The following CASZ1 variants were observed in gnomAD, a reference collection of about 807,000 sequenced individuals.
The protein encoded by CASZ1 is zinc finger protein castor homolog 1.
In CASZ1, 28 loss-of-function variants were observed where a neutral mutation model predicts 135.2. The ratio of observed to expected loss-of-function variants is 0.21; its 90% CI spans 0.15 to 0.28. The LOEUF is 0.28. CASZ1 is among the 10% of genes least tolerant of loss of function. The probability of loss-of-function intolerance (pLI) is 1.00; values close to 1 mark genes in which losing one functional copy is unlikely to be tolerated. For missense variants in CASZ1, 2,161 were observed against 2,453.3 expected (o/e 0.88, Z 2.52); for synonymous variants, 1,068 against 1,073.4 (o/e 0.99, Z 0.10).
chr1:10,773,515 G>A (rs976250457), intron 1 of CASZ1, among the ~76,000 whole-genome samples: 12 of 152,226 alleles, frequency 7.9e-5, no homozygotes, highest in Admixed American at 2.6e-4. Flanking sequence ...GGAAATGGGC[G>A]AGCGGGGGTT....
intron 4 of CASZ1, among the ~76,000 whole-genome samples, chr1:10,672,905 C>T (rs1488585686): frequency 1.3e-5 from 2 of 152,162 alleles, no homozygotes; most frequent in Admixed American, 6.5e-5. Flanking sequence ...TTTAATTTTG[C>T]GATTTGGGGC....
At chr1:10,783,464 G>A (rs1244206030) in intron 1 of CASZ1, among the ~76,000 whole-genome samples, 1 of 152,006 alleles carries the variant, frequency 6.6e-6, no homozygotes, top group African/African-American at 2.4e-5. Flanking sequence ...GGATGTGAGG[G>A]GGTGGGGGTC....
intron 1 of CASZ1, among the ~76,000 whole-genome samples, chr1:10,784,936 C>A (rs759901264): frequency 1.3e-5 from 2 of 152,198 alleles, no homozygotes; most frequent in Non-Finnish European, 2.9e-5. Context: ...AGAGGCCCCA[C>A]CTCAGTCAGC....
At chr1:10,734,815 C>A (rs1639766154) in intron 2 of CASZ1, among the ~76,000 whole-genome samples, 2 of 152,126 alleles carry the variant, frequency 1.3e-5, no homozygotes, top group Admixed American at 6.5e-5. Flanking sequence ...ACAGTCCATG[C>A]CATTAAGGAG....
rs1291754023 is a variant in CASZ1 at position 10,735,125 on chromosome 1, T to G, written c.-77+25576A>C. 6.6e-6 allele frequency among the ~76,000 whole-genome samples: 1 copy of G among 152,212 alleles called. No individual in the cohort carries two copies. Among genetic ancestry groups the G allele is most frequent in the Non-Finnish European group, 1.5e-5 (1 of 68,032 alleles). On this transcript the variant is annotated intron_variant, in intron 2 of 20. Coordinates refer to ENST00000377022, the MANE Select transcript of CASZ1 (RefSeq NM_001079843.3). The surrounding 1 kb of genome is among the most constrained non-coding windows in gnomAD (Gnocchi z 5.1). ...GCCCTTAGCAACCTAATTGCATCAG[T>G]ACATTGCACACAGGAGCCAAAGTAA...
At chr1:10,769,071 C>CGGA (rs1275076425) in intron 1 of CASZ1, among the ~76,000 whole-genome samples, 3 of 152,144 alleles carry the variant, frequency 2.0e-5, no homozygotes, top group Non-Finnish European at 4.4e-5. Context: ...ACCTGGGAGG[C>CGGA]GGAGGTTGCA....
rs528531427 is a variant in CASZ1 at position 10,646,026 on chromosome 1, G to T, written c.3696+102C>A. On this transcript the variant is annotated intron_variant, in intron 17 of 20. Transcript: ENST00000377022. The surrounding 1 kb of genome is among the most constrained non-coding windows in gnomAD (Gnocchi z 6.4). ...GCCCATTTAAATAAGCAAGGTGTGA[G>T]AAATGGAGCCTCTGCCAGGAGGTGA... The T allele has an allele frequency of 3.8e-5, 43 of 1,142,572 alleles. No individual in the cohort carries two copies. The African/African-American group carries it at 4.0e-4, about 11-fold the overall frequency. The allele number at this position is 1,142,572 out of a possible 1,614,324, so 70.8% of individuals were successfully genotyped here. A position where few individuals can be genotyped will look rare whatever the true frequency, so the allele number is the denominator to read the frequency against.
At chr1:10,748,674 G>A (rs1418808171) in intron 2 of CASZ1, among the ~76,000 whole-genome samples, 1 of 152,160 alleles carries the variant, frequency 6.6e-6, no homozygotes. Flanking sequence ...GGCAGGCCTG[G>A]TTGCCCCTTC....
At position 10,654,410 on chromosome 1, in the gene CASZ1, C is replaced by T. The variant is rs1642718118; in HGVS notation, c.1838+9G>A. On this transcript the variant is annotated intron_variant, in intron 10 of 20. Transcript: ENST00000377022. ...TGCCCACGAAGGCCCCCACCAGGCT[C>T]CCGCTTACCTGCAGTGGAAGTGCGT... 6.2e-7 allele frequency: 1 copy of T among 1,611,998 alleles called. No individual in the cohort carries two copies. Among genetic ancestry groups the T allele is most frequent in the African/African-American group, 1.3e-5 (1 of 74,860 alleles).
chr1:10,717,144 C>G lies in CASZ1; in HGVS notation c.-76-11600G>C, dbSNP rs903018064. ...GGAGGGCGTGTCTCCTTAATAAGCC[C>G]TTTCTCTGGAAGAATCAAAATCATT... On this transcript the variant is annotated intron_variant, in intron 2 of 20. Coordinates refer to ENST00000377022, the MANE Select transcript of CASZ1 (RefSeq NM_001079843.3). This position sits in a 1 kb window ranked among gnomAD's most constrained non-coding sequence, Gnocchi z 4.6. Among the ~76,000 whole-genome samples the G allele has an allele frequency of 1.3e-5, 2 of 152,208 alleles. No individual in the cohort carries two copies. Among genetic ancestry groups the G allele is most frequent in the African/African-American group, 4.8e-5 (2 of 41,446 alleles).
At chr1:10,773,512 G>T (rs1211100516) in intron 1 of CASZ1, among the ~76,000 whole-genome samples, 1 of 152,120 alleles carries the variant, frequency 6.6e-6, no homozygotes, top group Non-Finnish European at 1.5e-5. Context: ...GAAGGAAATG[G>T]GCGAGCGGGG....
chr1:10,739,354 C>T lies in CASZ1; in HGVS notation c.-77+21347G>A, dbSNP rs972428262. ...GAGTGTCACCGCGAGGGAAACCCTC[C>T]CAGGGGCCCGGGCCCAGGGTGGCCA... On this transcript the variant is annotated intron_variant, in intron 2 of 20. Transcript: ENST00000377022. This position sits in a 1 kb window ranked among gnomAD's most constrained non-coding sequence, Gnocchi z 4.8. Among the ~76,000 whole-genome samples, 1 of 152,110 alleles carries T rather than the reference C, an allele frequency of 6.6e-6. No homozygotes were observed. The highest frequency in any genetic ancestry group is 1.5e-5 in the Non-Finnish European group (1 of 68,000).
chr1:10,696,058 T>G (rs1448245139), intron 3 of CASZ1, among the ~76,000 whole-genome samples: 1 of 152,258 alleles, frequency 6.6e-6, no homozygotes. Context: ...CTGGCCTATT[T>G]TTGCAATATT....
At chr1:10,764,230 CCTT>C (rs1318464178) in intron 1 of CASZ1, among the ~76,000 whole-genome samples, 1 of 152,214 alleles carries the variant, frequency 6.6e-6, no homozygotes, top group East Asian at 1.9e-4. Flanking sequence ...CTTGGTCTCT[CCTT>C]CTCCTCCATT....
chr1:10,722,977 G>A (rs981236641), intron 2 of CASZ1, among the ~76,000 whole-genome samples: 2 of 152,262 alleles, frequency 1.3e-5, no homozygotes, highest in Non-Finnish European at 2.9e-5. Context: ...GAGGTGAGCC[G>A]GGTCTGCCAC....
chr1:10,715,362 C>T (rs1639357898), intron 2 of CASZ1, among the ~76,000 whole-genome samples: 1 of 152,100 alleles, frequency 6.6e-6, no homozygotes, highest in South Asian at 2.1e-4. Flanking sequence ...TAGGCAGGAT[C>T]TGCGGTGAGA....
At chr1:10,685,393 G>A (rs1214803625) in intron 4 of CASZ1, among the ~76,000 whole-genome samples, 3 of 152,216 alleles carry the variant, frequency 2.0e-5, no homozygotes, top group African/African-American at 2.4e-5. Context: ...CTGGGGCCTC[G>A]GTAGCGTGTT....
Position 10,658,345 on chromosome 1 carries a change from C to T in CASZ1, c.1409+163G>A, listed in dbSNP as rs1262679110. On this transcript the variant is annotated intron_variant, in intron 7 of 20. Transcript: ENST00000377022. ...GGAGGGAGGCTCCCAAACGGGCGTG[C>T]AGGGCAGCCCTCGGTGCGGTGGAGG... The T allele has an allele frequency of 3.8e-5, 24 of 626,846 alleles. No homozygotes were observed. In the South Asian group the frequency reaches 3.9e-4, roughly 10 times the overall value. 38.8% of individuals were successfully genotyped at this position (626,846 alleles called of 1,614,324 possible).
chr1:10,656,756 G>C lies in CASZ1; in HGVS notation c.1410-20C>G, dbSNP rs1451625533. On this transcript the variant is annotated intron_variant, in intron 7 of 20. Transcript: ENST00000377022. Reference sequence around the variant, plus strand: ...GAGAACCTGGAGGGAGGAGGGGTGGGGTCAGGGCCCTGCTGTGGGTGACAG... The same window carrying C: ...GAGAACCTGGAGGGAGGAGGGGTGGCGTCAGGGCCCTGCTGTGGGTGACAG... 12 of 1,532,506 alleles carry C rather than the reference G, an allele frequency of 7.8e-6. No homozygotes were observed. Among genetic ancestry groups the C allele is most frequent in the Non-Finnish European group, 1.1e-5 (12 of 1,124,030 alleles). 94.9% of individuals were successfully genotyped at this position (1,532,506 alleles called of 1,614,324 possible).
Sources: allele counts gnomAD v4.1 joint callset (sites outside exome capture counted in the v4.1 genomes callset), GRCh38; gene constraint gnomAD v4.1.1; non-coding constraint Gnocchi (gnomAD v3.1); transcripts MANE v1.5; gene names NCBI Gene and HGNC (gene_info 2026-07-23, HGNC 2026-07-21).